The following TRHDE variants were observed in gnomAD, a reference collection of about 807,000 sequenced individuals.
TRHDE encodes the protein thyrotropin releasing hormone degrading enzyme.
TRHDE carries 72 observed loss-of-function variants against 125.7 expected under a neutral mutation model. That is an observed-to-expected ratio of 0.57 (90% CI 0.47 to 0.70). The LOEUF is 0.70. Ranked by LOEUF, TRHDE falls within the 30% of genes least tolerant of loss-of-function variation. TRHDE has a pLI of 0.00. For missense variants in TRHDE, 1,110 were observed against 1,327.1 expected (o/e 0.84, Z 2.54); for synonymous variants, 509 against 509.1 (o/e 1.00, Z 0.00).
chr12:72,473,032 A>G lies in TRHDE; in HGVS notation c.1471-35A>G, dbSNP rs778874802. 1.0e-5 allele frequency: 15 copies of G among 1,480,592 alleles called. No individual in the cohort carries two copies. The African/African-American group carries it at 1.1e-4, about 11-fold the overall frequency. The allele number at this position is 1,480,592 out of a possible 1,614,324, so 91.7% of individuals were successfully genotyped here. A position where few individuals can be genotyped will look rare whatever the true frequency, so the allele number is the denominator to read the frequency against. ...ATAAAATAGTTTGGGGATAGATTTT[A>G]TTTTATTTGATGACCATTAATTTTG... On this transcript the variant is annotated intron_variant, in intron 4 of 18. Coordinates refer to ENST00000261180, the MANE Select transcript of TRHDE (RefSeq NM_013381.3).
intron 3 of TRHDE, among the ~76,000 whole-genome samples, chr12:72,437,783 C>A (rs530500194): frequency 2.0e-4 from 31 of 151,602 alleles, no homozygotes; most frequent in Non-Finnish European, 3.0e-4. Context: ...TTTTATGGTG[C>A]GAACACTTTA....
At chr12:72,088,303 C>T (rs1284781151) in intron 1 of TRHDE, among the ~76,000 whole-genome samples, 2 of 151,834 alleles carry the variant, frequency 1.3e-5, no homozygotes, top group African/African-American at 4.8e-5. Context: ...ATCTAATGTA[C>T]CTTGAAGAAC....
chr12:72,637,982 C>A (rs367816452), intron 15 of TRHDE, among the ~76,000 whole-genome samples: 1 of 151,744 alleles, frequency 6.6e-6, no homozygotes, highest in Admixed American at 6.6e-5. Context: ...TATATTCTGT[C>A]GATTTGGGGT....
rs1876293940 is a variant in TRHDE at position 72,149,063 on chromosome 12, C to T, written n.279+43311C>T. ...TTGAGTAGAAGCAGTCTTTGATTAC[C>T]TTGTGCCTTCTTTTTGGCAAATTCT... On this transcript the variant is annotated intron_variant and non_coding_transcript_variant, in intron 2 of 4. Transcript: ENST00000548156. 2.0e-5 allele frequency among the ~76,000 whole-genome samples: 3 copies of T among 151,930 alleles called. No individual in the cohort carries two copies. In the South Asian group the frequency reaches 6.2e-4, roughly 31 times the overall value.
rs566919728 is a variant in TRHDE at position 72,576,112 on chromosome 12, T to C, written c.2321+570T>C. Among the ~76,000 whole-genome samples, 334 of 152,260 alleles carry C rather than the reference T, an allele frequency of 2.2e-3. 2 individuals are homozygous for C. Among genetic ancestry groups the C allele is most frequent in the African/African-American group, 7.5e-3 (312 of 41,572 alleles). On this transcript the variant is annotated intron_variant, in intron 12 of 18. Coordinates refer to ENST00000261180, the MANE Select transcript of TRHDE (RefSeq NM_013381.3). Reference sequence around the variant, plus strand: ...ATTAGTTATTCCTTTGAATAGTCATTAAATGAAATGTTGCTCATAAACTGA... The same window carrying C: ...ATTAGTTATTCCTTTGAATAGTCATCAAATGAAATGTTGCTCATAAACTGA...
chr12:72,644,970 T>C (rs1333736475), intron 15 of TRHDE, among the ~76,000 whole-genome samples: 1 of 152,196 alleles, frequency 6.6e-6, no homozygotes, highest in Non-Finnish European at 1.5e-5. Context: ...ATAAAGACAG[T>C]TAGTAGAGGT....
At chr12:72,232,397 T>G in intron 2 of TRHDE, among the ~76,000 whole-genome samples, 1 of 152,032 alleles carries the variant, frequency 6.6e-6, no homozygotes, top group Non-Finnish European at 1.5e-5. Context: ...TGTGTGAAAG[T>G]CAGATATAGA....
At chr12:72,267,479 C>T (rs1879093759), upstream of TRHDE, among the ~76,000 whole-genome samples, 1 of 151,900 alleles carries the variant, frequency 6.6e-6, no homozygotes, top group African/African-American at 2.4e-5. Flanking sequence ...CTTGTTCTAG[C>T]TTGGTATAAA....
intron 1 of TRHDE, among the ~76,000 whole-genome samples, chr12:72,088,934 C>G (rs1381410616): frequency 6.6e-6 from 1 of 152,140 alleles, no homozygotes; most frequent in Non-Finnish European, 1.5e-5. Flanking sequence ...TTCCAAACTT[C>G]AGACCCATAT....
chr12:72,649,779 G>A (rs306023), intron 15 of TRHDE, among the ~76,000 whole-genome samples: 151,271 of 152,214 alleles, frequency 0.99, 75,172 homozygotes, highest in East Asian at 1. Context: ...CAACAGCTAT[G>A]TGAAAAAAAG....
At chr12:72,370,003 T>C (rs1331971580) in intron 2 of TRHDE, among the ~76,000 whole-genome samples, 2 of 152,196 alleles carry the variant, frequency 1.3e-5, no homozygotes, top group African/African-American at 2.4e-5. Context: ...GTGATTTCTT[T>C]TCACAGTGTA....
chr12:72,104,865 G>T (rs1413050990), intron 1 of TRHDE, among the ~76,000 whole-genome samples: 1 of 152,188 alleles, frequency 6.6e-6, no homozygotes, highest in East Asian at 1.9e-4. Flanking sequence ...TTTGAACCAA[G>T]AAGTAGAGCA....
chr12:72,638,937 A>T (rs1354204066), intron 15 of TRHDE, among the ~76,000 whole-genome samples: 1 of 151,342 alleles, frequency 6.6e-6, no homozygotes, highest in Non-Finnish European at 1.5e-5. Context: ...TGCCCTTAAC[A>T]TTTTTTCCTT....
intron 12 of TRHDE, among the ~76,000 whole-genome samples, chr12:72,597,745 ATATATATATATATG>A (rs1315572934): frequency 0.07 from 724 of 10,344 alleles, 80 homozygotes; most frequent in Admixed American, 0.39. Context: ...ATATATATAT[ATATATATATATATG>A]CATACACACA....
At chr12:72,362,884 A>G (rs10879416) in intron 2 of TRHDE, among the ~76,000 whole-genome samples, 151,567 of 152,094 alleles carry the variant, frequency 1, 75,526 homozygotes, top group Non-Finnish European at 1. Context: ...TAGATACGCG[A>G]CATTATTTCT....
intron 15 of TRHDE, among the ~76,000 whole-genome samples, chr12:72,626,294 G>GAGTT (rs1039774473): frequency 6.6e-6 from 1 of 151,854 alleles, no homozygotes; most frequent in African/African-American, 2.4e-5. Context: ...CAGGTCATGA[G>GAGTT]AGTTATGTAA....
At chr12:72,561,022 G>C (rs1870151641) in intron 7 of TRHDE, among the ~76,000 whole-genome samples, 1 of 152,138 alleles carries the variant, frequency 6.6e-6, no homozygotes, top group Non-Finnish European at 1.5e-5. Flanking sequence ...ATTCAGAATG[G>C]TTATTCAGGG....
At chr12:72,121,477 GC>G (rs1875579499) in intron 2 of TRHDE, among the ~76,000 whole-genome samples, 1 of 152,130 alleles carries the variant, frequency 6.6e-6, no homozygotes. Flanking sequence ...GCCCTGTGTT[GC>G]TTTCCATTGT....
intron 2 of TRHDE, among the ~76,000 whole-genome samples, chr12:72,158,749 C>G (rs1196474737): frequency 6.6e-6 from 1 of 152,086 alleles, no homozygotes; most frequent in Non-Finnish European, 1.5e-5. Context: ...TTGTTGGAAG[C>G]CTTTCCTAAG....
Sources: allele counts gnomAD v4.1 joint callset (sites outside exome capture counted in the v4.1 genomes callset), GRCh38; gene constraint gnomAD v4.1.1; transcripts MANE v1.5; gene names NCBI Gene and HGNC (gene_info 2026-07-23, HGNC 2026-07-21).